Variants in OPHN1 observed in about 807,000 individuals in gnomAD.
OPHN1 encodes oligophrenin-1.
OPHN1 carries 11 observed loss-of-function variants against 60.7 expected under a neutral mutation model. That is an observed-to-expected ratio of 0.18 (90% CI 0.11 to 0.30). OPHN1 has a LOEUF of 0.30. Ranked by LOEUF, OPHN1 falls within the 10% of genes least tolerant of loss-of-function variation. OPHN1 has a pLI of 1.00. For missense variants in OPHN1, 449 were observed against 611.0 expected, an observed-to-expected ratio of 0.73 and a Z score of 2.80; for synonymous variants, 226 against 222.6, an observed-to-expected ratio of 1.02 and a Z score of -0.14.
At chrX:68,104,785 G>T (rs1300403155) in intron 18 of OPHN1, among the ~76,000 whole-genome samples, 1 of 111,944 alleles carries the variant, frequency 8.9e-6, no homozygotes, top group African/African-American at 3.2e-5. Flanking sequence ...AAAAGCAATG[G>T]CAACAAAAGT....
intron 18 of OPHN1, among the ~76,000 whole-genome samples, chrX:68,100,777 C>T (rs1030925637): frequency 9.1e-6 from 1 of 109,361 alleles, no homozygotes; most frequent in Admixed American, 9.8e-5. Context: ...GATGGAGTCT[C>T]ACTCGGTCAC....
Position 68,291,456 on chromosome X carries a change from C to T in OPHN1, c.250+7545G>A, listed in dbSNP as rs182519565. On this transcript the variant is annotated intron_variant, in intron 3 of 24. Transcript: ENST00000355520. ...CAGAAGGGAAATGGGCAAAAAGGTA[C>T]AAAAAGCCTATGAGAATAGGGGGCT... Among the ~76,000 whole-genome samples, 801 of 111,540 alleles carry T rather than the reference C, an allele frequency of 7.2e-3. 10 individuals are homozygous for T. The highest frequency in any genetic ancestry group is 0.025 in the African/African-American group (755 of 30,666).
Position 68,210,140 on chromosome X carries a change from T to C in OPHN1, c.832+13A>G, listed in dbSNP as rs181630288. On this transcript the variant is annotated intron_variant, in intron 9 of 24. Coordinates refer to ENST00000355520, the MANE Select transcript of OPHN1 (RefSeq NM_002547.3). ...TATTGAAACCCAATGGATACCCCTATGTCCCCACACACATTTCTCTTGTGT... is the reference window on the plus strand; with the variant it reads ...TATTGAAACCCAATGGATACCCCTACGTCCCCACACACATTTCTCTTGTGT... 8.3e-7 allele frequency: 1 copy of C among 1,208,066 alleles called. No individual in the cohort carries two copies. Among genetic ancestry groups the C allele is most frequent in the Non-Finnish European group, 1.1e-6 (1 of 894,259 alleles).
At chrX:68,101,660 A>G (rs975237859) in intron 18 of OPHN1, among the ~76,000 whole-genome samples, 5 of 112,474 alleles carry the variant, frequency 4.4e-5, no homozygotes, top group African/African-American at 1.6e-4. Context: ...TTTGTTAATG[A>G]GCATAACATA....
intron 15 of OPHN1, among the ~76,000 whole-genome samples, chrX:68,158,041 C>T (rs2077317768): frequency 8.9e-6 from 1 of 111,736 alleles, no homozygotes. Flanking sequence ...CTCCACCTCC[C>T]GGGTTCACGC....
intron 15 of OPHN1, among the ~76,000 whole-genome samples, chrX:68,140,088 G>C (rs374545924): frequency 8.9e-6 from 1 of 111,924 alleles, no homozygotes; most frequent in Admixed American, 9.5e-5. Flanking sequence ...CAGATGCAAC[G>C]TATTGGATAC....
At chrX:68,149,316 C>T (rs535895764) in intron 15 of OPHN1, among the ~76,000 whole-genome samples, 56 of 111,546 alleles carry the variant, frequency 5.0e-4, no homozygotes, top group Middle Eastern at 9.2e-3. Context: ...ATGAAGCAAA[C>T]CAATTTATGA....
At chrX:68,157,359 A>T (rs1222305586) in intron 15 of OPHN1, among the ~76,000 whole-genome samples, 1 of 112,179 alleles carries the variant, frequency 8.9e-6, no homozygotes, top group Non-Finnish European at 1.9e-5. Context: ...TTGGATAAAG[A>T]AACTGTAGTA....
chrX:68,141,903 TTAAAGAAA>T (rs1373286567), intron 15 of OPHN1, among the ~76,000 whole-genome samples: 44 of 75,355 alleles, frequency 5.8e-4, no homozygotes, highest in African/African-American at 2.0e-3. Flanking sequence ...GTGATGTTAA[TTAAAGAAA>T]GAAAGAAAGA....
At chrX:68,191,627 G>A (rs1272534448) in intron 15 of OPHN1, among the ~76,000 whole-genome samples, 1 of 111,853 alleles carries the variant, frequency 8.9e-6, no homozygotes, top group African/African-American at 3.3e-5. Flanking sequence ...CTGAGAAGAG[G>A]GATACAAACA....
chrX:68,077,897 T>TA (rs1233272216), intron 19 of OPHN1, among the ~76,000 whole-genome samples: 5 of 112,211 alleles, frequency 4.5e-5, no homozygotes, highest in Admixed American at 1.9e-4. Context: ...TGTAGGGATC[T>TA]AACACACATG....
At chrX:68,318,453 A>T (rs2147657508) in intron 2 of OPHN1, among the ~76,000 whole-genome samples, 1 of 112,326 alleles carries the variant, frequency 8.9e-6, no homozygotes, top group African/African-American at 3.2e-5. Context: ...GAACTAAAAT[A>T]GCTCCTTTTT....
intron 15 of OPHN1, among the ~76,000 whole-genome samples, chrX:68,130,200 G>A (rs1391035639): frequency 9.0e-6 from 1 of 111,360 alleles, no homozygotes; most frequent in African/African-American, 3.3e-5. Flanking sequence ...GATGCTGGCT[G>A]TAAACACCAG....
chrX:68,431,647 C>T (rs1249938725), intron 2 of OPHN1, among the ~76,000 whole-genome samples: 3 of 106,533 alleles, frequency 2.8e-5, no homozygotes, highest in Non-Finnish European at 5.8e-5. Flanking sequence ...AGGCTGGTCT[C>T]GAACTCCTGA....
intron 5 of OPHN1, among the ~76,000 whole-genome samples, chrX:68,266,624 C>A (rs1007611158): frequency 2.7e-5 from 3 of 111,390 alleles, no homozygotes; most frequent in African/African-American, 9.8e-5. Context: ...CATCAACTAA[C>A]GAGCAAAATC....
upstream of OPHN1, chrX:68,433,696 G>A (rs758923517): frequency 2.4e-5 from 7 of 295,945 alleles, no homozygotes; most frequent in Non-Finnish European, 4.1e-5. Context: ...GGAGCCGGCC[G>A]GCCGGCCGTC....
intron 15 of OPHN1, among the ~76,000 whole-genome samples, chrX:68,141,871 C>A (rs1189869551): frequency 2.8e-5 from 3 of 105,610 alleles, no homozygotes; most frequent in African/African-American, 1.1e-4. Context: ...AAGATGGTGA[C>A]AGTTTAATAG....
intron 5 of OPHN1, among the ~76,000 whole-genome samples, chrX:68,262,121 A>C (rs1200422564): frequency 8.9e-6 from 1 of 112,126 alleles, no homozygotes; most frequent in Non-Finnish European, 1.9e-5. Context: ...AAAGAGTGGA[A>C]GAAGAGGGAA....
At chrX:68,260,197 C>T in intron 5 of OPHN1, among the ~76,000 whole-genome samples, 1 of 109,100 alleles carries the variant, frequency 9.2e-6, no homozygotes, top group South Asian at 4.0e-4. Context: ...ACTAACCTGG[C>T]TTCTAACATC....
Sources: gnomAD v4.1 joint callset for allele counts (sites outside exome capture counted in the v4.1 genomes callset) on GRCh38, gnomAD v4.1.1 for gene constraint, MANE v1.5 for transcripts, NCBI Gene and HGNC (gene_info 2026-07-23, HGNC 2026-07-21) for gene names.